The following MANBAL variants were observed in gnomAD, a reference collection of about 807,000 sequenced individuals.
MANBAL encodes the protein mannosidase beta like, also known as protein MANBAL.
MANBAL carries 1 observed loss-of-function variant against 6.4 expected under a neutral mutation model. That is an observed-to-expected ratio of 0.16 (90% CI 0.06 to 0.74). The LOEUF (loss-of-function observed/expected upper bound fraction) is 0.74, where lower values mean the gene tolerates loss of function less well. Among genes scored for constraint, MANBAL ranks in the 30% least tolerant of loss-of-function variants. The pLI is 0.78. For missense variants in MANBAL, 100 were observed against 107.8 expected (o/e 0.93, Z 0.32); for synonymous variants, 47 against 45.8 (o/e 1.03, Z -0.10).
chr20:37,290,154 C>T (rs529236076), intron 1 of MANBAL, among the ~76,000 whole-genome samples: 6 of 152,320 alleles, frequency 3.9e-5, no homozygotes, highest in African/African-American at 1.4e-4. Flanking sequence ...ATGTAAAGCC[C>T]TTAGTAGGTG....
chr20:37,291,689 G>A lies in MANBAL; in HGVS notation c.-57+2003G>A, dbSNP rs184690616. Among the ~76,000 whole-genome samples the A allele has an allele frequency of 1.9e-3, 290 of 152,300 alleles. 2 individuals are homozygous for A. The highest frequency in any genetic ancestry group is 3.0e-3 in the Non-Finnish European group (202 of 68,022). The stretch of plus-strand genomic sequence containing the variant: ...CCCCCCATGTTGTGGGAGGGTCCTG[G>A]TGGGAGACAATTGAATCATGGGGGT... On this transcript the variant is annotated intron_variant, in intron 1 of 2. Coordinates refer to ENST00000373606, the MANE Select transcript of MANBAL (RefSeq NM_001003897.2).
chr20:37,315,078 C>T (rs530610936), intron 2 of MANBAL, among the ~76,000 whole-genome samples: 1 of 152,268 alleles, frequency 6.6e-6, no homozygotes, highest in South Asian at 2.1e-4. Context: ...AATCATAGTG[C>T]TGGGGGCGGC....
At chr20:37,310,314 G>A (rs986198898) in intron 2 of MANBAL, among the ~76,000 whole-genome samples, 4 of 152,230 alleles carry the variant, frequency 2.6e-5, no homozygotes, top group African/African-American at 7.2e-5. Context: ...CTCCCACCCT[G>A]TCTCAGGCCC....
chr20:37,313,349 C>T (rs914014834), intron 2 of MANBAL, among the ~76,000 whole-genome samples: 4 of 150,300 alleles, frequency 2.7e-5, no homozygotes, highest in Admixed American at 1.3e-4. Context: ...CCAGCCTGGG[C>T]GACAGAGCGA....
chr20:37,291,803 C>T (rs1052157953), intron 1 of MANBAL, among the ~76,000 whole-genome samples: 3 of 152,252 alleles, frequency 2.0e-5, no homozygotes, highest in African/African-American at 7.2e-5. Context: ...CACACACTCT[C>T]TTGCCTGCTG....
intron 1 of MANBAL, among the ~76,000 whole-genome samples, chr20:37,292,945 C>T (rs1201521941): frequency 6.6e-6 from 1 of 152,188 alleles, no homozygotes; most frequent in Non-Finnish European, 1.5e-5. Context: ...TAGGCCTTCG[C>T]AGTGGACAGA....
chr20:37,310,335 C>T (rs1326522735), intron 2 of MANBAL, among the ~76,000 whole-genome samples: 1 of 152,254 alleles, frequency 6.6e-6, no homozygotes, highest in East Asian at 1.9e-4. Context: ...TCATGGCCCG[C>T]TGGGATGGGC....
chr20:37,293,531 A>C (rs1222714163), intron 1 of MANBAL, among the ~76,000 whole-genome samples: 1 of 151,830 alleles, frequency 6.6e-6, no homozygotes, highest in Non-Finnish European at 1.5e-5. Flanking sequence ...CCTGCTGCTC[A>C]CCTCCTGCTG....
At chr20:37,311,780 C>T (rs1244424987) in intron 2 of MANBAL, among the ~76,000 whole-genome samples, 1 of 152,244 alleles carries the variant, frequency 6.6e-6, no homozygotes, top group Non-Finnish European at 1.5e-5. Flanking sequence ...AGCCACCGCG[C>T]CCGGCCTGTT....
intron 2 of MANBAL, among the ~76,000 whole-genome samples, chr20:37,312,040 A>C (rs2069401812): frequency 6.6e-6 from 1 of 152,234 alleles, no homozygotes; most frequent in East Asian, 1.9e-4. Context: ...AATGACTTGG[A>C]GGTATCTAGC....
chr20:37,293,027 C>T (rs2068909133), intron 1 of MANBAL, among the ~76,000 whole-genome samples: 1 of 152,200 alleles, frequency 6.6e-6, no homozygotes, highest in African/African-American at 2.4e-5. Flanking sequence ...CTACGTTCAG[C>T]TAAACATAAC....
At chr20:37,300,378 C>G (rs1039934072) in intron 1 of MANBAL, among the ~76,000 whole-genome samples, 6 of 152,208 alleles carry the variant, frequency 3.9e-5, no homozygotes, top group Admixed American at 6.5e-5. Flanking sequence ...ATTCCCGTCT[C>G]TGTTCTTCAG....
chr20:37,299,147 C>T (rs578250864), intron 1 of MANBAL, among the ~76,000 whole-genome samples: 2 of 152,064 alleles, frequency 1.3e-5, no homozygotes, highest in Non-Finnish European at 2.9e-5. Flanking sequence ...GTGGCGTGAT[C>T]GTGGCTCACT....
At chr20:37,300,418 A>G (rs899975613) in intron 1 of MANBAL, among the ~76,000 whole-genome samples, 5 of 152,290 alleles carry the variant, frequency 3.3e-5, no homozygotes, top group Admixed American at 6.5e-5. Context: ...AAATAAAATG[A>G]TGCCCTTAAG....
At chr20:37,303,135 T>A (rs1413268439) in intron 2 of MANBAL, among the ~76,000 whole-genome samples, 1 of 152,226 alleles carries the variant, frequency 6.6e-6, no homozygotes, top group Non-Finnish European at 1.5e-5. Flanking sequence ...GGTCACAAAC[T>A]CTTGGGCTCA....
chr20:37,313,790 C>T (rs971151947), intron 2 of MANBAL, among the ~76,000 whole-genome samples: 2 of 152,146 alleles, frequency 1.3e-5, no homozygotes, highest in Non-Finnish European at 2.9e-5. Context: ...GAAGGAGGAG[C>T]AGGGAAGGAA....
intron 2 of MANBAL, among the ~76,000 whole-genome samples, chr20:37,308,738 G>A (rs530461670): frequency 3.3e-5 from 5 of 151,822 alleles, no homozygotes; most frequent in Admixed American, 6.6e-5. Context: ...AGCCTCTTCC[G>A]GATCGATTTC....
At chr20:37,314,757 C>T (rs1344491531) in intron 2 of MANBAL, among the ~76,000 whole-genome samples, 6 of 152,146 alleles carry the variant, frequency 3.9e-5, no homozygotes, top group Admixed American at 6.5e-5. Flanking sequence ...CTGGTTATCT[C>T]GCCTGGCTGA....
chr20:37,301,454 G>T, intron 2 of MANBAL, 41 bp downstream of exon 2: 1 of 1,604,768 alleles, frequency 6.2e-7, no homozygotes, highest in African/African-American at 1.3e-5. Context: ...CTGAGTGCCA[G>T]GCTGGGTTCT....
Sources: allele counts gnomAD v4.1 joint callset (sites outside exome capture counted in the v4.1 genomes callset), GRCh38; gene constraint gnomAD v4.1.1; transcripts MANE v1.5; gene names NCBI Gene and HGNC (gene_info 2026-07-23, HGNC 2026-07-21).